The following GART variants were observed in gnomAD, a reference collection of about 807,000 sequenced individuals.
The protein encoded by GART is trifunctional purine biosynthetic protein adenosine-3.
In GART, 43 loss-of-function variants were observed where a neutral mutation model predicts 107.2. That is an observed-to-expected ratio of 0.40 (90% CI 0.31 to 0.52). The LOEUF is 0.52. GART is among the 20% of genes least tolerant of loss of function. GART has a pLI of 0.52. For missense variants in GART, 1,107 were observed against 1,206.5 expected, an observed-to-expected ratio of 0.92 and a Z score of 1.22; for synonymous variants, 434 against 427.0, an observed-to-expected ratio of 1.02 and a Z score of -0.20.
At chr21:33,535,376 A>G in intron 2 of GART, 56 bp from the exon 3 acceptor site, 1 of 1,071,710 alleles carries the variant, frequency 9.3e-7, no homozygotes, top group Non-Finnish European at 1.3e-6. Context: ...CATTCCACTT[A>G]AGTAAACTAA....
At position 33,515,969 on chromosome 21, in the gene GART, C is replaced by T. The variant is rs534876031; in HGVS notation, c.2107+1020G>A. On this transcript the variant is annotated intron_variant, in intron 16 of 21. Transcript: ENST00000381815. ...TCACGTTAAAATCCTACCTTGGGGCCGGGCGCGGTGGCTCATGCCTGTAAT... is the reference window on the plus strand; with the variant it reads ...TCACGTTAAAATCCTACCTTGGGGCTGGGCGCGGTGGCTCATGCCTGTAAT... Among the ~76,000 whole-genome samples, 6 of 151,894 alleles carry T rather than the reference C, an allele frequency of 4.0e-5. No homozygotes were observed. In the East Asian group the frequency reaches 5.8e-4, roughly 15 times the overall value.
Position 33,534,808 on chromosome 21 carries a change from A to G in GART, c.242-55T>C, listed in dbSNP as rs2085273576. 6 of 1,463,840 alleles carry G rather than the reference A, an allele frequency of 4.1e-6. No individual in the cohort carries two copies. In the East Asian group the frequency reaches 1.4e-4, roughly 35 times the overall value. The allele number at this position is 1,463,840 out of a possible 1,614,324, so 90.7% of individuals were successfully genotyped here. A position where few individuals can be genotyped will look rare whatever the true frequency, so the allele number is the denominator to read the frequency against. On this transcript the variant is annotated intron_variant, in intron 3 of 21. Coordinates refer to ENST00000381815, the MANE Select transcript of GART (RefSeq NM_000819.5). ...ACCAAGGTCTCCCCAGGGGCTTTTC[A>G]GCCTGAAGACGAATTAGTATCAGAC...
At chr21:33,519,821 C>T (rs1223731936) in intron 14 of GART, among the ~76,000 whole-genome samples, 1 of 67,446 alleles carries the variant, frequency 1.5e-5, no homozygotes, top group Non-Finnish European at 2.6e-5. Flanking sequence ...GAGAGAGATT[C>T]CCTTTTTTTT....
At chr21:33,510,389 G>A in intron 17 of GART, 1 of 153,552 alleles carries the variant, frequency 6.5e-6, no homozygotes, top group Non-Finnish European at 1.4e-5. Flanking sequence ...GAGTGCAGTG[G>A]CGCGATCTCG....
chr21:33,524,577 C>G (rs1425643446), intron 11 of GART, 192 bp downstream of exon 11: 1 of 1,218,072 alleles, frequency 8.2e-7, no homozygotes, highest in Non-Finnish European at 1.0e-6. Context: ...CAAACTTACG[C>G]TATCATGAAG....
intron 18 of GART, among the ~76,000 whole-genome samples, chr21:33,508,066 T>C (rs537550174): frequency 5.9e-5 from 9 of 152,254 alleles, no homozygotes; most frequent in Admixed American, 1.3e-4. Flanking sequence ...AATGGATTAA[T>C]AGATTGTGAA....
In GART at chr21:33,511,432, C is replaced by T. The variant is rs2084783684; in HGVS notation, c.2134G>A (p.Val712Ile). Residue 712 changes from valine (V) to isoleucine (I), a missense_variant, in exon 17 of 22, where the codon GTC becomes ATC. Coordinates refer to ENST00000381815, the MANE Select transcript of GART (RefSeq NM_000819.5). ...LDAQTWRIPR[V>I]FSWLQQEGHL... ...CCTTCCTGCTGCAACCATGAGAAGA[C>T]CCTGGGGATCCTCCAGGTCTGGGCA... The T allele has an allele frequency of 3.1e-6, 5 of 1,613,966 alleles. No individual in the cohort carries two copies. The East Asian group carries it at 1.1e-4, about 36-fold the overall frequency.
Position 33,528,535 on chromosome 21 carries a change from C to T in GART, c.881G>A (p.Gly294Asp), listed in dbSNP as rs758337086. The T allele has an allele frequency of 6.2e-6, 10 of 1,609,984 alleles. No homozygotes were observed. The highest frequency in any genetic ancestry group is 1.3e-5 in the African/African-American group (1 of 74,486). Residue 294 changes from glycine (G) to aspartate (D), a missense_variant, in exon 9 of 22, where the codon GGT becomes GAT. By Grantham distance (94) the Gly-to-Asp change is moderately conservative. Transcript: ENST00000381815. ...PKVLEFNCRF[G>D]DPECQVILPL... ...TTTACCCACTTGGCACTCTGGATCA[C>T]CAAAACGGCAATTAAACTCTAGAAC... is the stretch of plus-strand genomic sequence containing the variant.
At chr21:33,516,023 G>T (rs948484423) in intron 16 of GART, among the ~76,000 whole-genome samples, 1 of 151,728 alleles carries the variant, frequency 6.6e-6, no homozygotes, top group Non-Finnish European at 1.5e-5. Context: ...TGAGGCGGGC[G>T]GATCACTTGA....
Position 33,522,171 on chromosome 21 carries a change from A to C in GART, c.1393+17T>G, listed in dbSNP as rs1186665761. ...TATATCAAAGTTAATGAATTAGCAAAGTATAGGATCACTGACCTGATCTGG... is the reference window on the plus strand; with the variant it reads ...TATATCAAAGTTAATGAATTAGCAACGTATAGGATCACTGACCTGATCTGG... On this transcript the variant is annotated intron_variant, in intron 12 of 21. Transcript: ENST00000381815. 6.3e-7 allele frequency: 1 copy of C among 1,580,034 alleles called. No homozygotes were observed. The highest frequency in any genetic ancestry group is 1.1e-5 in the South Asian group (1 of 90,094).
Position 33,504,451 on chromosome 21 carries a change from G to C in GART, c.2802C>G (p.Thr934=). The C allele has an allele frequency of 6.2e-7, 1 of 1,614,040 alleles. No homozygotes were observed. The highest frequency in any genetic ancestry group is 8.5e-7 in the Non-Finnish European group (1 of 1,179,980). The change falls in exon 21 of 22, where the codon ACC becomes ACG. Residue 934 remains threonine (T), a synonymous_variant. Transcript: ENST00000381815. The part of the protein sequence containing the change: ...GSNAHEQALE[T]GVTVTGCTVH... The stretch of plus-strand genomic sequence containing the variant: ...CAGTGCACCCAGTAACTGTGACTCC[G>C]GTTTCCAGGGCTTGCTCATGGGCAT...
Position 33,506,083 on chromosome 21 carries a change from A to G in GART, c.2474T>C (p.Ile825Thr), listed in dbSNP as rs771014442. The change falls in exon 19 of 22, where the codon ATA becomes ACA. Residue 825 changes from isoleucine to threonine, a missense_variant. Transcript: ENST00000381815. ...GCTATTTGGTTCCCGAGTACTGTCT[A>G]TAAGTGCTTGCAGGTTCGATCCTGA... ...SGTGSNLQAL[I>T]DSTREPNSSA... The G allele has an allele frequency of 7.7e-5, 124 of 1,613,906 alleles. No homozygotes were observed. Among genetic ancestry groups the G allele is most frequent in the Non-Finnish European group, 1.0e-4 (122 of 1,179,974 alleles).
At chr21:33,540,468 G>A (rs1004469672) in intron 1 of GART, among the ~76,000 whole-genome samples, 1 of 152,168 alleles carries the variant, frequency 6.6e-6, no homozygotes, top group Non-Finnish European at 1.5e-5. Flanking sequence ...TGGTATGTGG[G>A]CCATAGTTTG....
chr21:33,522,079 T>TA (rs1302075466), intron 12 of GART, 109 bp downstream of exon 12: 33 of 788,662 alleles, frequency 4.2e-5, no homozygotes, highest in African/African-American at 1.7e-5. Context: ...GGGCAAAACT[T>TA]ACAGTAACCA....
intron 15 of GART, 69 bp from the exon 16 acceptor site, chr21:33,517,210 G>A: frequency 1.9e-6 from 3 of 1,558,950 alleles, no homozygotes; most frequent in Non-Finnish European, 1.7e-6. Flanking sequence ...AAATCAACCT[G>A]GAGAATGACA....
chr21:33,535,331 A>AAT lies in GART; in HGVS notation c.146-12_146-11insAT. ...CACTGATTGAGATGGCTGTAAACAG[A>AAT]AAAAAAAAAAAAAAAACCACTGCAT... is the stretch of plus-strand genomic sequence containing the variant. On this transcript the variant is annotated splice_polypyrimidine_tract_variant and intron_variant, in intron 2 of 21. Transcript: ENST00000381815. 1.2e-6 allele frequency: 1 copy of AAT among 828,180 alleles called. No homozygotes were observed. Among genetic ancestry groups the AAT allele is most frequent in the Non-Finnish European group, 1.6e-6 (1 of 636,262 alleles). 51.3% of individuals were successfully genotyped at this position (828,180 alleles called of 1,614,324 possible).
At chr21:33,542,368 A>G (rs1190591540), upstream of GART, 1 of 152,438 alleles carries the variant, frequency 6.6e-6, no homozygotes, top group Non-Finnish European at 1.5e-5. Context: ...CCAAAATGCT[A>G]AACCCATTCT....
At chr21:33,526,543 T>A (rs2145729943) in intron 10 of GART, among the ~76,000 whole-genome samples, 1 of 152,192 alleles carries the variant, frequency 6.6e-6, no homozygotes, top group Non-Finnish European at 1.5e-5. Context: ...TCGATTTTTT[T>A]TTTTTAACCA....
chr21:33,507,986 C>T (rs987358174), intron 18 of GART, among the ~76,000 whole-genome samples: 1 of 152,050 alleles, frequency 6.6e-6, no homozygotes, highest in African/African-American at 2.4e-5. Flanking sequence ...CTCATGTACC[C>T]TATAAATATA....
Sources: gnomAD v4.1 joint callset for allele counts (sites outside exome capture counted in the v4.1 genomes callset) on GRCh38, gnomAD v4.1.1 for gene constraint, MANE v1.5 for transcripts, NCBI Gene and HGNC (gene_info 2026-07-23, HGNC 2026-07-21) for gene names.